The following CHSY3 variants were observed in gnomAD, a reference collection of about 807,000 sequenced individuals.
CHSY3 encodes the protein chondroitin sulfate synthase 3.
Under a neutral mutation model 67.2 loss-of-function variants are expected in CHSY3, and 35 were observed. That is an observed-to-expected ratio of 0.52 (90% CI 0.40 to 0.69). The LOEUF (loss-of-function observed/expected upper bound fraction) is 0.69. Ranked by LOEUF, CHSY3 falls within the 30% of genes least tolerant of loss-of-function variation. CHSY3 has a pLI of 0.00. For missense variants in CHSY3, 1,069 were observed against 1,138.5 expected (o/e 0.94, Z 0.88); for synonymous variants, 474 against 434.7 (o/e 1.09, Z -1.12).
intron 2 of CHSY3, among the ~76,000 whole-genome samples, chr5:130,162,668 A>C (rs1769592047): frequency 6.6e-6 from 1 of 152,048 alleles, no homozygotes; most frequent in Non-Finnish European, 1.5e-5. Context: ...CTGTGTAGCT[A>C]GGACTACAGG....
chr5:130,038,476 A>C (rs1298814241), intron 2 of CHSY3, among the ~76,000 whole-genome samples: 1 of 152,090 alleles, frequency 6.6e-6, no homozygotes, highest in Non-Finnish European at 1.5e-5. Flanking sequence ...GATCCATGTG[A>C]TCATCAGTTT....
rs1042419153 is a variant in CHSY3 at position 130,043,753 on chromosome 5, G to A, written c.1086+135393G>A. Among the ~76,000 whole-genome samples, 4 of 106,006 alleles carry A rather than the reference G, an allele frequency of 3.8e-5. No individual in the cohort carries two copies. The East Asian group carries it at 1.1e-3, about 29-fold the overall frequency. The allele number at this position is 106,006 out of a possible 152,430, so 69.5% of individuals were successfully genotyped here. A position where few individuals can be genotyped will look rare whatever the true frequency, so the allele number is the denominator to read the frequency against. ...AGAAATCATTGGAAAAACACCTGAC[G>A]TGTGCATATGTTTTATAGTGTTTAA... On this transcript the variant is annotated intron_variant, in intron 2 of 2. Transcript: ENST00000305031.
At chr5:129,935,999 A>G (rs1248284383) in intron 2 of CHSY3, among the ~76,000 whole-genome samples, 1 of 152,214 alleles carries the variant, frequency 6.6e-6, no homozygotes, top group African/African-American at 2.4e-5. Flanking sequence ...GGGCTGAAAA[A>G]AAATCTGAAT....
chr5:129,962,600 G>T (rs1304289196), intron 2 of CHSY3, among the ~76,000 whole-genome samples: 2 of 151,982 alleles, frequency 1.3e-5, no homozygotes, highest in African/African-American at 4.8e-5. Flanking sequence ...TAGCCCATGA[G>T]ATCCTGCATG....
chr5:129,949,614 G>T (rs1217147837), intron 2 of CHSY3, among the ~76,000 whole-genome samples: 1 of 152,092 alleles, frequency 6.6e-6, no homozygotes, highest in Non-Finnish European at 1.5e-5. Flanking sequence ...AATTTTGTGA[G>T]GCCATCATTA....
chr5:129,985,204 G>A (rs1763152518), intron 2 of CHSY3, among the ~76,000 whole-genome samples: 1 of 152,102 alleles, frequency 6.6e-6, no homozygotes, highest in African/African-American at 2.4e-5. Flanking sequence ...TTTAAAATAT[G>A]GTGAAAGCCA....
intron 2 of CHSY3, among the ~76,000 whole-genome samples, chr5:130,106,137 C>T (rs775107010): frequency 1.1e-4 from 16 of 151,546 alleles, no homozygotes; most frequent in Admixed American, 2.0e-4. Flanking sequence ...AAAATCATTG[C>T]CAATTATGTT....
chr5:130,018,611 A>G (rs1278942372), intron 2 of CHSY3, among the ~76,000 whole-genome samples: 1 of 152,174 alleles, frequency 6.6e-6, no homozygotes. Context: ...GCTATTTATC[A>G]AATGGTTTTA....
intron 2 of CHSY3, among the ~76,000 whole-genome samples, chr5:130,062,757 C>T (rs1379261882): frequency 1.3e-5 from 2 of 151,240 alleles, no homozygotes. Context: ...GCATATTTGC[C>T]AGAGTTTATG....
At chr5:129,971,179 T>C (rs564639157) in intron 2 of CHSY3, among the ~76,000 whole-genome samples, 2 of 151,952 alleles carry the variant, frequency 1.3e-5, no homozygotes, top group South Asian at 4.1e-4. Flanking sequence ...AAGATGGAAG[T>C]AACTCTGCAT....
intron 2 of CHSY3, among the ~76,000 whole-genome samples, chr5:130,116,235 A>T (rs1236272608): frequency 6.6e-6 from 1 of 152,226 alleles, no homozygotes; most frequent in Non-Finnish European, 1.5e-5. Context: ...GCCTTAGGCA[A>T]TCATACTAAT....
chr5:130,179,410 A>G (rs1474894180), intron 2 of CHSY3, among the ~76,000 whole-genome samples: 1 of 151,856 alleles, frequency 6.6e-6, no homozygotes, highest in African/African-American at 2.4e-5. Flanking sequence ...CTTGTCTGTC[A>G]TTAACTCTTT....
intron 2 of CHSY3, among the ~76,000 whole-genome samples, chr5:130,074,710 CTG>C (rs1481686056): frequency 2.6e-5 from 4 of 152,124 alleles, no homozygotes. Context: ...GATTATAAGA[CTG>C]TTCATTCCTT....
At chr5:129,991,092 G>C (rs1279027650) in intron 2 of CHSY3, among the ~76,000 whole-genome samples, 1 of 152,150 alleles carries the variant, frequency 6.6e-6, no homozygotes, top group African/African-American at 2.4e-5. Context: ...ATGAGAAGGG[G>C]TTGGGGAGGT....
intron 2 of CHSY3, among the ~76,000 whole-genome samples, chr5:129,934,182 T>G (rs1173785360): frequency 6.6e-6 from 1 of 152,152 alleles, no homozygotes; most frequent in African/African-American, 2.4e-5. Flanking sequence ...TCAATATTTA[T>G]TATATGAAAT....
intron 2 of CHSY3, among the ~76,000 whole-genome samples, chr5:130,104,311 C>G (rs1164353119): frequency 6.6e-6 from 1 of 151,882 alleles, no homozygotes. Context: ...GATGTTTTCT[C>G]ATGGGAATCC....
At chr5:130,108,953 T>A (rs763543370) in intron 2 of CHSY3, among the ~76,000 whole-genome samples, 1 of 151,740 alleles carries the variant, frequency 6.6e-6, no homozygotes, top group Non-Finnish European at 1.5e-5. Flanking sequence ...TGGACCAAAA[T>A]AGTCTAAAGC....
At chr5:130,069,721 A>T (rs1027058315) in intron 2 of CHSY3, among the ~76,000 whole-genome samples, 1 of 152,052 alleles carries the variant, frequency 6.6e-6, no homozygotes, top group Non-Finnish European at 1.5e-5. Flanking sequence ...TAGGAAACAT[A>T]GCATATTCCA....
intron 2 of CHSY3, among the ~76,000 whole-genome samples, chr5:130,013,663 C>A (rs760088181): frequency 1.4e-4 from 22 of 152,292 alleles, no homozygotes; most frequent in Non-Finnish European, 2.2e-4. Flanking sequence ...GGCACCATGT[C>A]CTGAGGCTGC....
Sources: gnomAD v4.1 joint callset for allele counts (sites outside exome capture counted in the v4.1 genomes callset) on GRCh38, gnomAD v4.1.1 for gene constraint, MANE v1.5 for transcripts, NCBI Gene and HGNC (gene_info 2026-07-23, HGNC 2026-07-21) for gene names.